Variants in DDX60L observed in about 807,000 individuals in gnomAD.
DDX60L encodes DExD/H-box 60 like.
Under a neutral mutation model 211.6 loss-of-function variants are expected in DDX60L, and 191 were observed. The observed-to-expected ratio is 0.90, with a 90% CI of 0.80 to 1.02. The LOEUF (loss-of-function observed/expected upper bound fraction) is 1.02, where lower values mean the gene tolerates loss of function less well. Among genes scored for constraint, DDX60L ranks in the 50% least tolerant of loss-of-function variants. DDX60L has a pLI of 0.00. For missense variants in DDX60L, 2,007 were observed against 1,984.1 expected, an observed-to-expected ratio of 1.01 and a Z score of -0.22; for synonymous variants, 706 against 694.1, an observed-to-expected ratio of 1.02 and a Z score of -0.27.
intron 32 of DDX60L, 69 bp from the exon 33 acceptor site, chr4:168,378,544 G>T: frequency 1.6e-6 from 2 of 1,253,936 alleles, no homozygotes; most frequent in Admixed American, 3.2e-5. Flanking sequence ...GCCTAAATTT[G>T]TTTTTATAGT....
At chr4:168,409,421 A>T (rs1234570631) in intron 22 of DDX60L, among the ~76,000 whole-genome samples, 1 of 152,256 alleles carries the variant, frequency 6.6e-6, no homozygotes, top group African/African-American at 2.4e-5. Context: ...GTAAACCATT[A>T]AAAAATTATA....
intron 34 of DDX60L, 28 bp from the exon 35 acceptor site, chr4:168,373,836 G>A (rs1281999436): frequency 6.2e-7 from 1 of 1,603,946 alleles, no homozygotes; most frequent in African/African-American, 1.3e-5. Context: ...GGTCACGTTA[G>A]GTTTTAAAAA....
chr4:168,406,352 A>G (rs1309793844), intron 23 of DDX60L, among the ~76,000 whole-genome samples: 1 of 152,210 alleles, frequency 6.6e-6, no homozygotes, highest in Non-Finnish European at 1.5e-5. Context: ...CAAAAACACA[A>G]TTAAAGTAGT....
At chr4:168,392,823 A>G (rs1276998467) in intron 28 of DDX60L, among the ~76,000 whole-genome samples, 1 of 149,352 alleles carries the variant, frequency 6.7e-6, no homozygotes, top group Non-Finnish European at 1.5e-5. Flanking sequence ...CTGGGCAACA[A>G]GAGTGAAACT....
At chr4:168,365,549 A>T (rs1739830116) in intron 36 of DDX60L, among the ~76,000 whole-genome samples, 1 of 151,856 alleles carries the variant, frequency 6.6e-6, no homozygotes, top group Non-Finnish European at 1.5e-5. Context: ...CAGAAAAAAA[A>T]AAAAGCCCAC....
At chr4:168,369,483 C>CA (rs113198591) in intron 36 of DDX60L, among the ~76,000 whole-genome samples, 12,845 of 41,368 alleles carry the variant, frequency 0.31, 709 homozygotes, top group South Asian at 0.42. Context: ...TTAAAAAAAA[C>CA]AAAAAAAAAA....
intron 28 of DDX60L, among the ~76,000 whole-genome samples, chr4:168,392,326 T>C (rs1744976711): frequency 6.6e-6 from 1 of 152,192 alleles, no homozygotes; most frequent in South Asian, 2.1e-4. Flanking sequence ...TAGGTGCATA[T>C]AGCTGCTCTC....
intron 13 of DDX60L, among the ~76,000 whole-genome samples, chr4:168,428,837 A>G (rs182915483): frequency 2.0e-5 from 3 of 152,182 alleles, no homozygotes; most frequent in African/African-American, 7.2e-5. Flanking sequence ...GTTACCTGAT[A>G]CTTTTCCACA....
In DDX60L at chr4:168,396,113, T is replaced by G. The variant is rs528386777; in HGVS notation, c.3503A>C (p.Asn1168Thr). The part of the protein sequence containing the change: ...RKTQKRITKK[N>T]PKKAEKLERK... ...TTCCAGTTTTTCAGCCTTCTTTGGG[T>G]TTTTTTTAGTGCTACTATTTAAAAA... The change falls in exon 27 of 38, where the codon AAC becomes ACC. Residue 1168 changes from asparagine to threonine, a missense_variant. Asn to Thr is a moderately conservative substitution (Grantham distance 65, BLOSUM62 0). Transcript: ENST00000682922. 85 of 1,488,252 alleles carry G rather than the reference T, an allele frequency of 5.7e-5. 1 individual carries two copies. In the South Asian group the frequency reaches 8.4e-4, roughly 15 times the overall value. The allele number at this position is 1,488,252 out of a possible 1,614,324, so 92.2% of individuals were successfully genotyped here.
intron 15 of DDX60L, among the ~76,000 whole-genome samples, chr4:168,423,100 C>T (rs767856421): frequency 4.6e-5 from 7 of 152,034 alleles, no homozygotes; most frequent in South Asian, 4.2e-4. Context: ...AGATTACAGG[C>T]GTGAGCTACC....
chr4:168,403,711 C>CA (rs1163067839), intron 25 of DDX60L, among the ~76,000 whole-genome samples: 1 of 151,432 alleles, frequency 6.6e-6, no homozygotes, highest in Non-Finnish European at 1.5e-5. Context: ...TAGTTGCTTA[C>CA]AAAAAGAAAT....
At chr4:168,375,145 T>G (rs933414854) in intron 34 of DDX60L, among the ~76,000 whole-genome samples, 3 of 152,224 alleles carry the variant, frequency 2.0e-5, no homozygotes, top group African/African-American at 4.8e-5. Context: ...TTTTCCTCCA[T>G]TGCCCAATTA....
chr4:168,410,547 T>TTA (rs1748503292), intron 22 of DDX60L, among the ~76,000 whole-genome samples: 1 of 152,174 alleles, frequency 6.6e-6, no homozygotes. Context: ...GGAAGATAAA[T>TTA]GGAACAGCAT....
In DDX60L at chr4:168,357,938, C is replaced by T. The variant is rs1579121233; in HGVS notation, c.*209G>A. The T allele has an allele frequency of 2.2e-6, 1 of 450,736 alleles. No homozygotes were observed. The highest frequency in any genetic ancestry group is 3.9e-6 in the Non-Finnish European group (1 of 255,414). 27.9% of individuals were successfully genotyped at this position (450,736 alleles called of 1,614,324 possible). On this transcript the variant is annotated 3_prime_UTR_variant, in exon 38 of 38. Transcript: ENST00000682922. ...AAACAACTAGAGGTATTCATTTTTA[C>T]TCCGGTTTTGCCAAAAATGAAGTTA...
chr4:168,390,469 TA>T, intron 29 of DDX60L: 1 of 1,370,284 alleles, frequency 7.3e-7, no homozygotes, highest in South Asian at 1.9e-5. Flanking sequence ...GAAATGGAGA[TA>T]AACTCCTTTT....
chr4:168,461,990 G>T lies in DDX60L; in HGVS notation c.315C>A (p.Thr105=). ...TGTGTTGAAGGTGGAGAATTAAAGC[G>T]GTCCTCAATGAAAGAAGTTCAGGAA... ...FDFPELLSLR[T]ALILHLQHNT... The change falls in exon 5 of 38, where the codon ACC becomes ACA. Residue 105 remains threonine (T), a synonymous_variant. Coordinates refer to ENST00000682922, the MANE Select transcript of DDX60L (RefSeq NM_001012967.3). The T allele has an allele frequency of 1.9e-6, 3 of 1,611,822 alleles. No homozygotes were observed. Among genetic ancestry groups the T allele is most frequent in the East Asian group, 2.2e-5 (1 of 44,828 alleles).
In DDX60L at chr4:168,373,799, C is replaced by T; in HGVS notation, c.4643G>A (p.Gly1548Asp). ...GAGTTGGGAGTCTTCACATTCTTTACCTGTGAATTCTGACCATTTTGGACT... is the reference window on the plus strand; with the variant it reads ...GAGTTGGGAGTCTTCACATTCTTTATCTGTGAATTCTGACCATTTTGGACT... ...QLPLSRIKFTGKECEDSQLVS... is the reference protein window; with the variant it reads ...QLPLSRIKFTDKECEDSQLVS... The change falls in exon 35 of 38, where the codon GGT (glycine) becomes GAT (aspartate). Residue 1548 changes from glycine (G) to aspartate (D), a missense_variant. By Grantham distance (94) the Gly-to-Asp change is moderately conservative. Coordinates refer to ENST00000682922, the MANE Select transcript of DDX60L (RefSeq NM_001012967.3). 6.2e-7 allele frequency: 1 copy of T among 1,613,228 alleles called. No individual in the cohort carries two copies. Among genetic ancestry groups the T allele is most frequent in the Non-Finnish European group, 8.5e-7 (1 of 1,179,584 alleles).
chr4:168,463,346 A>G (rs1757565389), intron 4 of DDX60L, among the ~76,000 whole-genome samples: 1 of 152,190 alleles, frequency 6.6e-6, no homozygotes, highest in South Asian at 2.1e-4. Flanking sequence ...AGAAATCCAA[A>G]TACTGCATGT....
intron 32 of DDX60L, among the ~76,000 whole-genome samples, chr4:168,378,910 A>G (rs560339339): frequency 6.6e-6 from 1 of 152,286 alleles, no homozygotes; most frequent in East Asian, 1.9e-4. Context: ...AAATCCTGTC[A>G]AAACAAAGCT....
Sources: gnomAD v4.1 joint callset for allele counts (sites outside exome capture counted in the v4.1 genomes callset) on GRCh38, gnomAD v4.1.1 for gene constraint, MANE v1.5 for transcripts, NCBI Gene and HGNC (gene_info 2026-07-23, HGNC 2026-07-21) for gene names.